NHS: variants seen among roughly 807,000 people sequenced by gnomAD.
NHS encodes actin remodeling regulator NHS.
A neutral mutation model predicts 72.5 loss-of-function variants in NHS; 5 were observed. The ratio of observed to expected loss-of-function variants is 0.07; its 90% confidence interval spans 0.04 to 0.14. NHS has a LOEUF of 0.14. Ranked by LOEUF, NHS falls within the 10% of genes least tolerant of loss-of-function variation. The pLI is 1.00. For missense variants in NHS, 1,072 were observed against 1,355.7 expected, an observed-to-expected ratio of 0.79 and a Z score of 3.29; for synonymous variants, 464 against 547.7, an observed-to-expected ratio of 0.85 and a Z score of 2.13.
intron 1 of NHS, among the ~76,000 whole-genome samples, chrX:17,569,212 C>G (rs746884422): frequency 9.7e-4 from 109 of 111,915 alleles, no homozygotes; most frequent in African/African-American, 3.1e-3. Flanking sequence ...AATGGTATTT[C>G]TAGTTCTAGA....
intron 1 of NHS, among the ~76,000 whole-genome samples, chrX:17,499,663 A>C (rs1371773775): frequency 9.0e-6 from 1 of 111,310 alleles, no homozygotes; most frequent in African/African-American, 3.3e-5. Context: ...GCTGAGCTGG[A>C]ATGTGGTCTC....
Position 17,704,376 on chromosome X carries a change from C to A in NHS, c.852+11908C>A, listed in dbSNP as rs780815436. On this transcript the variant is annotated intron_variant, in intron 3 of 8. Coordinates refer to ENST00000676302, the MANE Select transcript of NHS (RefSeq NM_001291867.2). ...AGTGCAGTGGTGCGATCTCAACTTACTGCAAGCTCTGCCTCCCGGGTTCAT... is the reference window on the plus strand; with the variant it reads ...AGTGCAGTGGTGCGATCTCAACTTAATGCAAGCTCTGCCTCCCGGGTTCAT... 3.1e-3 allele frequency among the ~76,000 whole-genome samples: 340 copies of A among 111,102 alleles called. 2 individuals carry two copies. Among genetic ancestry groups the A allele is most frequent in the African/African-American group, 0.011 (335 of 30,705 alleles).
At position 17,725,680 on chromosome X, in the gene NHS, C is replaced by A. The variant is rs374044909; in HGVS notation, c.1574C>A (p.Pro525His). ...GDAEPKVGAK[P>H]SAYEEGESFV... is the part of the protein sequence containing the mutation. Reference sequence around the variant, plus strand: ...GCTGAGCCCAAAGTTGGCGCTAAACCCTCAGCATATGAAGAGGGAGAGTCT... The same window carrying A: ...GCTGAGCCCAAAGTTGGCGCTAAACACTCAGCATATGAAGAGGGAGAGTCT... The change falls in exon 7 of 9, where the codon CCC becomes CAC. Residue 525 changes from proline to histidine, a missense_variant. By Grantham distance (77) the Pro-to-His change is moderately conservative (BLOSUM62 -2). Transcript: ENST00000676302. The A allele has an allele frequency of 5.0e-6, 6 of 1,209,056 alleles. No homozygotes were observed. The African/African-American group carries it at 1.1e-4, about 21-fold the overall frequency.
At chrX:17,642,687 G>C (rs1182268192) in intron 1 of NHS, among the ~76,000 whole-genome samples, 2 of 111,933 alleles carry the variant, frequency 1.8e-5, no homozygotes, top group African/African-American at 6.5e-5. Context: ...TTTCAGTAGT[G>C]GGTGGATATT....
In NHS at chrX:17,615,947, C is replaced by T. The variant is rs1421928005; in HGVS notation, c.566-71795C>T. On this transcript the variant is annotated intron_variant, in intron 1 of 8. Coordinates refer to ENST00000676302, the MANE Select transcript of NHS (RefSeq NM_001291867.2). ...GCTCAATTTCAGCATTTAGTTCAGT[C>T]TAACTTTAAAAAAATAGTTAATTAC... Among the ~76,000 whole-genome samples, 3 of 111,403 alleles carry T rather than the reference C, an allele frequency of 2.7e-5. No homozygotes were observed. The East Asian group carries it at 8.5e-4, about 32-fold the overall frequency.
At chrX:17,602,648 A>G (rs2065656548) in intron 1 of NHS, among the ~76,000 whole-genome samples, 1 of 110,638 alleles carries the variant, frequency 9.0e-6, no homozygotes, top group Non-Finnish European at 1.9e-5. Flanking sequence ...GGATGCTGCA[A>G]GTGGCTTGCT....
chrX:17,462,495 T>C (rs1235270137), intron 1 of NHS, among the ~76,000 whole-genome samples: 1 of 111,927 alleles, frequency 8.9e-6, no homozygotes, highest in Non-Finnish European at 1.9e-5. Flanking sequence ...GGATAATGAT[T>C]AGTACGTAGT....
intron 1 of NHS, among the ~76,000 whole-genome samples, chrX:17,397,345 G>A (rs2064481531): frequency 8.9e-6 from 1 of 112,244 alleles, no homozygotes. Context: ...GTGTATTGGT[G>A]CTTGGTGATC....
At chrX:17,719,976 G>GTT (rs1269435803) in intron 4 of NHS, among the ~76,000 whole-genome samples, 3 of 109,480 alleles carry the variant, frequency 2.7e-5, no homozygotes, top group African/African-American at 6.7e-5. Context: ...CTCTCAATCA[G>GTT]TTTCTCTCTC....
chrX:17,496,958 C>T (rs959746878), intron 1 of NHS, among the ~76,000 whole-genome samples: 9 of 111,786 alleles, frequency 8.1e-5, no homozygotes, highest in Admixed American at 1.9e-4. Flanking sequence ...AAAACCCTGG[C>T]GGAAGAAAAA....
chrX:17,687,936 C>T (rs1177799616), intron 2 of NHS, 42 bp downstream of exon 2: 12 of 1,179,165 alleles, frequency 1.0e-5, no homozygotes, highest in Middle Eastern at 2.8e-4. Context: ...GGAGACAACT[C>T]GGAGGTTGTC....
intron 1 of NHS, 63 bp from the exon 2 acceptor site, chrX:17,687,679 A>G (rs1162847598): frequency 1.7e-6 from 2 of 1,172,201 alleles, no homozygotes; most frequent in Admixed American, 2.2e-5. Context: ...TCCCCACCCC[A>G]GGGTTGGCCA....
At chrX:17,570,179 A>G (rs1279197231) in intron 1 of NHS, among the ~76,000 whole-genome samples, 1 of 111,961 alleles carries the variant, frequency 8.9e-6, no homozygotes, top group Non-Finnish European at 1.9e-5. Flanking sequence ...TATGAACTTT[A>G]AAGTAGTTTT....
chrX:17,579,441 G>C (rs2065531145), intron 1 of NHS, among the ~76,000 whole-genome samples: 1 of 110,546 alleles, frequency 9.0e-6, no homozygotes, highest in Non-Finnish European at 1.9e-5. Context: ...AGCACTATAG[G>C]ATTCCATTCT....
chrX:17,576,849 C>T (rs1174204673), intron 1 of NHS, among the ~76,000 whole-genome samples: 4 of 111,884 alleles, frequency 3.6e-5, no homozygotes, highest in Non-Finnish European at 3.8e-5. Context: ...GGGATGGGCA[C>T]TTATCCAGCC....
chrX:17,429,056 G>C (rs1279969518), intron 1 of NHS, among the ~76,000 whole-genome samples: 2 of 111,847 alleles, frequency 1.8e-5, no homozygotes, highest in Non-Finnish European at 3.8e-5. Context: ...TGTTGATAAC[G>C]AAGACGCACA....
chrX:17,718,098 A>G (rs1209971417), intron 3 of NHS, among the ~76,000 whole-genome samples: 2 of 110,740 alleles, frequency 1.8e-5, no homozygotes, highest in South Asian at 3.9e-4. Context: ...TTCTAAGTCT[A>G]TTACATATAC....
At chrX:17,695,807 G>C (rs1252467008) in intron 3 of NHS, among the ~76,000 whole-genome samples, 1 of 109,947 alleles carries the variant, frequency 9.1e-6, no homozygotes, top group Non-Finnish European at 1.9e-5. Flanking sequence ...AGCCAATTTA[G>C]CATAAAACCC....
chrX:17,504,644 A>C (rs2065048669), intron 1 of NHS, among the ~76,000 whole-genome samples: 1 of 111,734 alleles, frequency 8.9e-6, no homozygotes, highest in Non-Finnish European at 1.9e-5. Flanking sequence ...TAATTCCCAA[A>C]GACAAGGATG....
Sources: allele counts gnomAD v4.1 joint callset (sites outside exome capture counted in the v4.1 genomes callset), GRCh38; gene constraint gnomAD v4.1.1; transcripts MANE v1.5; gene names NCBI Gene and HGNC (gene_info 2026-07-23, HGNC 2026-07-21).